The following DPP6 variants were observed in gnomAD, a reference collection of about 807,000 sequenced individuals.
The protein encoded by DPP6 is dipeptidyl peptidase like 6, also known as A-type potassium channel modulatory protein DPP6.
Under a neutral mutation model 122.6 loss-of-function variants are expected in DPP6, and 69 were observed. The observed-to-expected ratio is 0.56, with a 90% CI of 0.46 to 0.69. The LOEUF is 0.69. Among genes scored for constraint, DPP6 ranks in the 30% least tolerant of loss-of-function variants. The pLI, the probability that DPP6 is intolerant of heterozygous loss-of-function variation, is 0.00. For synonymous variants in DPP6, 418 were observed against 433.1 expected (o/e 0.97, Z 0.43); for missense variants, 928 against 1,116.9 (o/e 0.83, Z 2.41).
intron 16 of DPP6, among the ~76,000 whole-genome samples, chr7:154,814,522 G>T (rs1049043368): frequency 6.6e-6 from 1 of 152,152 alleles, no homozygotes; most frequent in Non-Finnish European, 1.5e-5. Context: ...ACAGGGGAAG[G>T]CTGGGTGGTC....
intron 1 of DPP6, among the ~76,000 whole-genome samples, chr7:154,256,994 TC>T (rs1802697459): frequency 7.7e-6 from 1 of 129,140 alleles, no homozygotes; most frequent in Non-Finnish European, 1.6e-5. Context: ...TTTTTCTTCT[TC>T]TTCTTTTTTT....
intron 1 of DPP6, among the ~76,000 whole-genome samples, chr7:154,371,154 G>A (rs796237215): frequency 3.3e-5 from 5 of 152,126 alleles, no homozygotes; most frequent in African/African-American, 1.2e-4. Context: ...GAGGTGGGCG[G>A]ATCGCTTGAG....
chr7:154,456,347 G>A (rs139193947), intron 2 of DPP6, among the ~76,000 whole-genome samples: 3 of 152,228 alleles, frequency 2.0e-5, no homozygotes, highest in East Asian at 3.9e-4. Context: ...ATTTAAGTAT[G>A]GTATTAAAAT....
At chr7:153,847,483 T>C in the DPP6 span, among the ~76,000 whole-genome samples, 1 of 152,236 alleles carries the variant, frequency 6.6e-6, no homozygotes, top group Admixed American at 6.5e-5. Context: ...TATTGTATGC[T>C]ATACTTTGGG....
intron 6 of DPP6, among the ~76,000 whole-genome samples, chr7:154,645,366 G>C (rs1375380216): frequency 6.6e-6 from 1 of 151,930 alleles, no homozygotes; most frequent in Non-Finnish European, 1.5e-5. Flanking sequence ...CGCCCGGCCT[G>C]TTACTTGGTT....
chr7:154,187,290 GCA>G (rs1798396158), intron 1 of DPP6, among the ~76,000 whole-genome samples: 6 of 152,192 alleles, frequency 3.9e-5, no homozygotes, highest in African/African-American at 4.8e-5. Context: ...GGGAATAAGA[GCA>G]CAGTTGTTTA....
intron 1 of DPP6, among the ~76,000 whole-genome samples, chr7:153,954,582 G>T (rs372281173): frequency 6.6e-6 from 1 of 152,152 alleles, no homozygotes. Flanking sequence ...TGGGTGTTTT[G>T]TGTGAGTATT....
rs530754073 is a variant in DPP6 at position 154,531,822 on chromosome 7, G to T, written c.458-8710G>T. Among the ~76,000 whole-genome samples the T allele has an allele frequency of 3.3e-5, 5 of 152,132 alleles. No homozygotes were observed. The East Asian group carries it at 9.6e-4, about 29-fold the overall frequency. On this transcript the variant is annotated intron_variant, in intron 3 of 25. Coordinates refer to ENST00000377770, the MANE Select transcript of DPP6 (RefSeq NM_130797.4). Reference sequence around the variant, plus strand: ...AGGTTTCTATAGTTAATAAGAAGTGGTACATTATTAACTGCTTCTGGACTT... The same window carrying T: ...AGGTTTCTATAGTTAATAAGAAGTGTTACATTATTAACTGCTTCTGGACTT...
intron 1 of DPP6, among the ~76,000 whole-genome samples, chr7:154,309,311 TGATA>T (rs1198152174): frequency 6.6e-6 from 1 of 152,212 alleles, no homozygotes; most frequent in African/African-American, 2.4e-5. Context: ...GTACAAATCC[TGATA>T]GATAACTCCC....
chr7:153,863,466 C>CT, the DPP6 span, among the ~76,000 whole-genome samples: 13,726 of 151,130 alleles, frequency 0.091, 806 homozygotes, highest in East Asian at 0.25. Context: ...TCCCCTCAGT[C>CT]TTTTTTTTTA....
At chr7:153,987,145 CCT>C (rs1233353084) in intron 1 of DPP6, among the ~76,000 whole-genome samples, 1 of 152,058 alleles carries the variant, frequency 6.6e-6, no homozygotes, top group Non-Finnish European at 1.5e-5. Flanking sequence ...ATTTTACACC[CCT>C]GAGTTTTATG....
chr7:154,864,609 T>C (rs1267442627), intron 17 of DPP6, among the ~76,000 whole-genome samples: 1 of 152,260 alleles, frequency 6.6e-6, no homozygotes, highest in Non-Finnish European at 1.5e-5. Flanking sequence ...AATGCAATTA[T>C]GGGAACAAAT....
chr7:153,834,287 AAAGT>A, the DPP6 span, among the ~76,000 whole-genome samples: 1 of 151,780 alleles, frequency 6.6e-6, no homozygotes, highest in East Asian at 1.9e-4. Context: ...AAAAAAAAAA[AAAGT>A]AAGTACATCC....
chr7:154,875,801 G>A lies in DPP6; in HGVS notation c.1884-105G>A. On this transcript the variant is annotated intron_variant, in intron 19 of 25. Coordinates refer to ENST00000377770, the MANE Select transcript of DPP6 (RefSeq NM_130797.4). The surrounding 1 kb of genome is among the most constrained non-coding windows in gnomAD (Gnocchi z 4.5). ...TATGGAGTTGAGCGTGTGGCAGCCG[G>A]GTCACGGGTAAAATCCCTTACGGGG... 6.8e-7 allele frequency: 1 copy of A among 1,461,710 alleles called. No individual in the cohort carries two copies. Among genetic ancestry groups the A allele is most frequent in the South Asian group, 1.3e-5 (1 of 74,752 alleles). 90.5% of individuals were successfully genotyped at this position (1,461,710 alleles called of 1,614,324 possible).
intron 1 of DPP6, among the ~76,000 whole-genome samples, chr7:154,201,135 GT>G (rs936453615): frequency 2.4e-4 from 36 of 150,516 alleles, no homozygotes; most frequent in Non-Finnish European, 4.7e-4. Flanking sequence ...TTTTGTTGTT[GT>G]TTTTTTTTGA....
At chr7:154,169,322 G>T (rs1209760849) in intron 1 of DPP6, among the ~76,000 whole-genome samples, 1 of 152,144 alleles carries the variant, frequency 6.6e-6, no homozygotes, top group African/African-American at 2.4e-5. Context: ...GGTGCCATAT[G>T]GTGGTGGGCG....
At chr7:154,832,652 C>T (rs1468016298) in intron 16 of DPP6, among the ~76,000 whole-genome samples, 4 of 152,348 alleles carry the variant, frequency 2.6e-5, no homozygotes, top group African/African-American at 4.8e-5. Context: ...CTGTGAACAG[C>T]GCTCTGCCCT....
intron 1 of DPP6, among the ~76,000 whole-genome samples, chr7:154,440,110 A>G (rs920743124): frequency 9.2e-5 from 14 of 152,180 alleles, no homozygotes; most frequent in African/African-American, 2.9e-4. Context: ...CCAGTCCTCG[A>G]AAGTTGGGCA....
intron 8 of DPP6, among the ~76,000 whole-genome samples, chr7:154,767,219 TG>T (rs1255289959): frequency 6.6e-6 from 1 of 152,214 alleles, no homozygotes; most frequent in Non-Finnish European, 1.5e-5. Flanking sequence ...CTGATTTCTG[TG>T]GGCTCTGCAC....
Sources: allele counts gnomAD v4.1 joint callset (sites outside exome capture counted in the v4.1 genomes callset), GRCh38; gene constraint gnomAD v4.1.1; non-coding constraint Gnocchi (gnomAD v3.1); transcripts MANE v1.5; gene names NCBI Gene and HGNC (gene_info 2026-07-23, HGNC 2026-07-21).